LGSN: variants seen among roughly 807,000 people sequenced by gnomAD.
The protein encoded by LGSN is lengsin.
Under a neutral mutation model 19.5 loss-of-function variants are expected in LGSN, and 21 were observed. The ratio of observed to expected loss-of-function variants is 1.07; its 90% CI spans 0.76 to 1.55. The LOEUF (loss-of-function observed/expected upper bound fraction) is 1.55. Among genes scored for constraint, LGSN ranks in the 40% most tolerant of loss-of-function variants. LGSN has a pLI of 0.00. For missense variants in LGSN, 673 were observed against 608.5 expected, an observed-to-expected ratio of 1.11 and a Z score of -1.12; for synonymous variants, 257 against 215.6, an observed-to-expected ratio of 1.19 and a Z score of -1.68.
At chr6:63,300,266 C>T (rs539560525) in intron 1 of LGSN, among the ~76,000 whole-genome samples, 2 of 152,316 alleles carry the variant, frequency 1.3e-5, no homozygotes, top group East Asian at 3.9e-4. Flanking sequence ...CCAGATGGGC[C>T]CTGGCCTTCC....
chr6:63,562,599 GAGTA>G, the LGSN span, among the ~76,000 whole-genome samples: 1 of 152,202 alleles, frequency 6.6e-6, no homozygotes, highest in Non-Finnish European at 1.5e-5. Context: ...CTCAGAGTCT[GAGTA>G]TTCTAATAAA....
At chr6:63,311,586 T>C (rs1043290255) in intron 1 of LGSN, among the ~76,000 whole-genome samples, 2 of 152,218 alleles carry the variant, frequency 1.3e-5, no homozygotes, top group Non-Finnish European at 2.9e-5. Context: ...TTGATGTTCA[T>C]TCTTGCTTTG....
chr6:63,504,721 G>A, the LGSN span, among the ~76,000 whole-genome samples: 23 of 152,324 alleles, frequency 1.5e-4, no homozygotes, highest in African/African-American at 5.3e-4. Context: ...TGGGATTACA[G>A]GTGTGAGCCA....
At chr6:63,418,947 C>T in the LGSN span, among the ~76,000 whole-genome samples, 1 of 151,854 alleles carries the variant, frequency 6.6e-6, no homozygotes, top group Non-Finnish European at 1.5e-5. Context: ...TGACTCCCAG[C>T]CTAGCAGTAA....
chr6:63,518,231 C>A, the LGSN span, among the ~76,000 whole-genome samples: 5 of 151,530 alleles, frequency 3.3e-5, no homozygotes, highest in Non-Finnish European at 2.9e-5. Flanking sequence ...GCCACCTTTT[C>A]CATAACTTTA....
the LGSN span, among the ~76,000 whole-genome samples, chr6:63,500,081 C>T: frequency 7.9e-5 from 12 of 152,152 alleles, no homozygotes; most frequent in Non-Finnish European, 1.3e-4. Context: ...CCTCAGGTAG[C>T]CATCCTGCTC....
chr6:63,408,084 C>T, the LGSN span, among the ~76,000 whole-genome samples: 1 of 152,268 alleles, frequency 6.6e-6, no homozygotes, highest in South Asian at 2.1e-4. Flanking sequence ...GAATCAATAT[C>T]ATGAAAATGG....
the LGSN span, among the ~76,000 whole-genome samples, chr6:63,423,183 C>T: frequency 6.6e-6 from 1 of 151,900 alleles, no homozygotes; most frequent in Non-Finnish European, 1.5e-5. Context: ...CCTGTCTCTA[C>T]AAAAAATAAA....
At chr6:63,351,455 C>G in the LGSN span, among the ~76,000 whole-genome samples, 10 of 145,074 alleles carry the variant, frequency 6.9e-5, no homozygotes, top group African/African-American at 2.5e-4. Context: ...GAGAGAGAGA[C>G]AGAGAAAGAG....
chr6:63,337,345 C>A, the LGSN span, among the ~76,000 whole-genome samples: 1 of 151,678 alleles, frequency 6.6e-6, no homozygotes, highest in Non-Finnish European at 1.5e-5. Context: ...GGGCTGTAAT[C>A]CCGTTACTCA....
At chr6:63,354,929 A>G in the LGSN span, among the ~76,000 whole-genome samples, 1 of 152,110 alleles carries the variant, frequency 6.6e-6, no homozygotes, top group Non-Finnish European at 1.5e-5. Context: ...AGAAAAAAAA[A>G]AAGTTGATCT....
At chr6:63,299,075 A>T (rs969343619) in intron 1 of LGSN, among the ~76,000 whole-genome samples, 1 of 152,196 alleles carries the variant, frequency 6.6e-6, no homozygotes, top group African/African-American at 2.4e-5. Flanking sequence ...GTCCACACAT[A>T]GAGAATTATT....
the LGSN span, among the ~76,000 whole-genome samples, chr6:63,357,804 T>C: frequency 6.6e-6 from 1 of 152,232 alleles, no homozygotes; most frequent in Non-Finnish European, 1.5e-5. Flanking sequence ...CTGATGGTAG[T>C]TTCTTTTGCT....
the LGSN span, among the ~76,000 whole-genome samples, chr6:63,528,672 G>A: frequency 1.3e-5 from 2 of 152,066 alleles, no homozygotes; most frequent in Non-Finnish European, 2.9e-5. Context: ...GAAGTGGGAG[G>A]ATTACCTGAG....
Position 63,277,304 on chromosome 6 carries a change from T to C in LGSN, c.*2717A>G, listed in dbSNP as rs1055141641. 1 of 152,204 alleles carries C rather than the reference T, an allele frequency of 6.6e-6. No homozygotes were observed. The highest frequency in any genetic ancestry group is 2.4e-5 in the African/African-American group (1 of 41,446). 9.4% of individuals were successfully genotyped at this position (152,204 alleles called of 1,614,324 possible). Reference sequence around the variant, plus strand: ...CGTGGACTATAAAGGGATATGCCACTTTATAGGGATGGGTTAGAGCCAATC... The same window carrying C: ...CGTGGACTATAAAGGGATATGCCACCTTATAGGGATGGGTTAGAGCCAATC... On this transcript the variant is annotated 3_prime_UTR_variant, in exon 4 of 4. Transcript: ENST00000370657.
rs1484789786 is a variant in LGSN at position 63,280,727 on chromosome 6, C to A, written c.824G>T (p.Gly275Val). ...QMEISFLPEF[G>V]ISSADNAFTL... is the part of the protein sequence containing the mutation. ...AAATGCATTATCAGCTGAGCTAATGCCAAATTCAGGCAGGAAAGAGATTTC... is the reference window on the plus strand; with the variant it reads ...AAATGCATTATCAGCTGAGCTAATGACAAATTCAGGCAGGAAAGAGATTTC... The change falls in exon 4 of 4, where the codon GGC (glycine) becomes GTC (valine). Residue 275 changes from glycine to valine, a missense_variant. Physicochemically the swap from Gly to Val is moderately radical, Grantham distance 109 (BLOSUM62 -3). Transcript: ENST00000370657. 6.2e-7 allele frequency: 1 copy of A among 1,613,938 alleles called. No individual in the cohort carries two copies. Among genetic ancestry groups the A allele is most frequent in the Admixed American group, 1.7e-5 (1 of 59,974 alleles).
chr6:63,544,533 C>T, the LGSN span, among the ~76,000 whole-genome samples: 1 of 151,996 alleles, frequency 6.6e-6, no homozygotes, highest in African/African-American at 2.4e-5. Flanking sequence ...ATCTAGTTGT[C>T]GAAGTAACAT....
the LGSN span, among the ~76,000 whole-genome samples, chr6:63,468,815 C>A: frequency 1.3e-5 from 2 of 151,694 alleles, no homozygotes; most frequent in Admixed American, 6.6e-5. Context: ...ATGGCACGGT[C>A]TCGGCTCACA....
chr6:63,499,532 T>A, the LGSN span, among the ~76,000 whole-genome samples: 9 of 152,108 alleles, frequency 5.9e-5, no homozygotes, highest in African/African-American at 1.9e-4. Flanking sequence ...GTTCTTTGGA[T>A]AATAGAGAAG....
Sources: allele counts gnomAD v4.1 joint callset (sites outside exome capture counted in the v4.1 genomes callset), GRCh38; gene constraint gnomAD v4.1.1; transcripts MANE v1.5; gene names NCBI Gene and HGNC (gene_info 2026-07-23, HGNC 2026-07-21).